RAB28: variants seen among roughly 807,000 people sequenced by gnomAD.
RAB28 encodes the protein RAB28, member RAS oncogene family.
In RAB28, 24 loss-of-function variants were observed where a neutral mutation model predicts 31.7. That is an observed-to-expected ratio of 0.76 (90% CI 0.55 to 1.06). The LOEUF is 1.06. Among genes scored for constraint, RAB28 ranks in the 50% least tolerant of loss-of-function variants. The pLI is 0.00. For synonymous variants in RAB28, 100 were observed against 90.4 expected (o/e 1.11, Z -0.60); for missense variants, 254 against 258.5 (o/e 0.98, Z 0.12).
chr4:13,438,203 T>C (rs1349279107), intron 4 of RAB28, among the ~76,000 whole-genome samples: 1 of 152,212 alleles, frequency 6.6e-6, no homozygotes, highest in Non-Finnish European at 1.5e-5. Context: ...ACACTTTATA[T>C]CACCCTATAA....
chr4:13,476,468 T>C (rs1196123943), intron 2 of RAB28, among the ~76,000 whole-genome samples: 1 of 151,576 alleles, frequency 6.6e-6, no homozygotes, highest in Non-Finnish European at 1.5e-5. Flanking sequence ...AAAATGACTA[T>C]CTTTAGTTTC....
At chr4:13,437,793 TTCTCAAAGAACTAGAAATAAAACTACCA>T (rs1714206604) in intron 4 of RAB28, among the ~76,000 whole-genome samples, 1 of 152,192 alleles carries the variant, frequency 6.6e-6, no homozygotes, top group African/African-American at 2.4e-5. Context: ...GTACAGAGAT[TTCTCAAAGAACTAGAAATAAAACTACCA>T]CTCAACCCAG....
At chr4:13,374,554 C>G (rs983545341) in intron 6 of RAB28, among the ~76,000 whole-genome samples, 1 of 152,086 alleles carries the variant, frequency 6.6e-6, no homozygotes. Flanking sequence ...CCCACCATTC[C>G]CCTTTTCAGA....
chr4:13,408,925 ATAAGT>A lies in RAB28; in HGVS notation c.392-27336_392-27332del, dbSNP rs568842780. 1.5e-4 allele frequency among the ~76,000 whole-genome samples: 23 copies of A among 152,358 alleles called. No homozygotes were observed. The East Asian group carries it at 4.4e-3, about 29-fold the overall frequency. On this transcript the variant is annotated intron_variant, in intron 4 of 6. Transcript: ENST00000330852. ...ATTTCAATGATATAAATATATTTTG[ATAAGT>A]TAATTAAAAAGCATATCAATGATAT...
intron 4 of RAB28, among the ~76,000 whole-genome samples, chr4:13,411,895 C>T (rs776331288): frequency 6.6e-6 from 1 of 151,584 alleles, no homozygotes; most frequent in Non-Finnish European, 1.5e-5. Flanking sequence ...CAATAACCCA[C>T]TTAACAGGCA....
At chr4:13,404,929 CT>C (rs76156995) in intron 4 of RAB28, among the ~76,000 whole-genome samples, 8,242 of 134,082 alleles carry the variant, frequency 0.061, 439 homozygotes, top group African/African-American at 0.16. Flanking sequence ...TCACTCTGTA[CT>C]TTTTTTTTTT....
At chr4:13,435,571 A>G (rs1714051294) in intron 4 of RAB28, among the ~76,000 whole-genome samples, 1 of 152,200 alleles carries the variant, frequency 6.6e-6, no homozygotes, top group Admixed American at 6.5e-5. Flanking sequence ...GAACTACAAA[A>G]GATCCCCAAA....
chr4:13,391,617 G>C (rs1380439808), intron 4 of RAB28, among the ~76,000 whole-genome samples: 1 of 152,130 alleles, frequency 6.6e-6, no homozygotes, highest in Non-Finnish European at 1.5e-5. Flanking sequence ...TATGTTTATT[G>C]TGGCACTATT....
At chr4:13,398,976 T>C (rs1191465898) in intron 4 of RAB28, among the ~76,000 whole-genome samples, 1 of 152,122 alleles carries the variant, frequency 6.6e-6, no homozygotes, top group Non-Finnish European at 1.5e-5. Flanking sequence ...TTCAGTGTAA[T>C]AAGAATTGCA....
At chr4:13,383,624 T>C (rs28636847) in intron 4 of RAB28, among the ~76,000 whole-genome samples, 2,822 of 152,258 alleles carry the variant, frequency 0.019, 81 homozygotes, top group African/African-American at 0.063. Context: ...TCTGGAAATG[T>C]AGCTCCCATA....
chr4:13,433,904 A>G (rs1306675147), intron 4 of RAB28, among the ~76,000 whole-genome samples: 1 of 152,184 alleles, frequency 6.6e-6, no homozygotes, highest in African/African-American at 2.4e-5. Flanking sequence ...AAAACATGGA[A>G]TCAACCTAGA....
At chr4:13,445,901 T>G (rs967062292) in intron 4 of RAB28, among the ~76,000 whole-genome samples, 2 of 152,150 alleles carry the variant, frequency 1.3e-5, no homozygotes, top group Non-Finnish European at 2.9e-5. Flanking sequence ...AGAATCTCCC[T>G]TGTCAGGATC....
At chr4:13,429,318 T>C (rs891821191) in intron 4 of RAB28, among the ~76,000 whole-genome samples, 3 of 152,130 alleles carry the variant, frequency 2.0e-5, no homozygotes, top group African/African-American at 4.8e-5. Flanking sequence ...GGCATCCATA[T>C]TGAAAAGGAA....
intron 6 of RAB28, among the ~76,000 whole-genome samples, chr4:13,372,403 T>C (rs562523745): frequency 2.0e-5 from 3 of 152,164 alleles, no homozygotes; most frequent in South Asian, 2.1e-4. Context: ...TAACAAAACA[T>C]TGGGCAAGTT....
chr4:13,382,807 T>A (rs1729190651), intron 4 of RAB28, among the ~76,000 whole-genome samples: 1 of 149,404 alleles, frequency 6.7e-6, no homozygotes, highest in African/African-American at 2.5e-5. Context: ...CAAGCAATTC[T>A]CCTGCCTCAG....
chr4:13,401,883 T>C (rs927787006), intron 4 of RAB28, among the ~76,000 whole-genome samples: 1 of 152,224 alleles, frequency 6.6e-6, no homozygotes, highest in Non-Finnish European at 1.5e-5. Flanking sequence ...AAAACTTAGT[T>C]TTTCAAGTAT....
In RAB28 at chr4:13,458,162, A is replaced by T. The variant is rs184369657; in HGVS notation, c.391+2537T>A. 3.5e-3 allele frequency among the ~76,000 whole-genome samples: 533 copies of T among 152,294 alleles called. 2 individuals are homozygous for T. Among genetic ancestry groups the T allele is most frequent in the Middle Eastern group, 0.017 (5 of 294 alleles). ...TGAGCAAAATTTAACTAAAGCTTTT[A>T]AAAAAGCAAACTACAATTTCTACCC... On this transcript the variant is annotated intron_variant, in intron 4 of 6. Coordinates refer to ENST00000330852, the MANE Select transcript of RAB28 (RefSeq NM_001017979.3).
At chr4:13,372,362 A>G (rs976294333) in intron 6 of RAB28, among the ~76,000 whole-genome samples, 1 of 152,120 alleles carries the variant, frequency 6.6e-6, no homozygotes, top group South Asian at 2.1e-4. Context: ...CTACTCTTCT[A>G]TATAACGAAT....
At chr4:13,480,125 G>A (rs917145813) in intron 1 of RAB28, among the ~76,000 whole-genome samples, 1 of 151,646 alleles carries the variant, frequency 6.6e-6, no homozygotes, top group Admixed American at 6.6e-5. Flanking sequence ...ATATAAAGCA[G>A]ACAAAATGAA....
Sources: gnomAD v4.1 joint callset for allele counts (sites outside exome capture counted in the v4.1 genomes callset) on GRCh38, gnomAD v4.1.1 for gene constraint, MANE v1.5 for transcripts, NCBI Gene and HGNC (gene_info 2026-07-23, HGNC 2026-07-21) for gene names.